The following ALG1 variants were observed in gnomAD, a reference collection of about 807,000 sequenced individuals.
ALG1 encodes the protein ALG1 chitobiosyldiphosphodolichol beta-mannosyltransferase.
A neutral mutation model predicts 55.1 loss-of-function variants in ALG1; 58 were observed. The ratio of observed to expected loss-of-function variants is 1.05; its 90% CI spans 0.85 to 1.31. ALG1 has a LOEUF of 1.31. ALG1 is among the 50% of genes most tolerant of loss of function. The pLI is 0.00. For missense variants in ALG1, 761 were observed against 598.6 expected, an observed-to-expected ratio of 1.27 and a Z score of -2.83; for synonymous variants, 309 against 247.0, an observed-to-expected ratio of 1.25 and a Z score of -2.35.
In ALG1 at chr16:5,072,042, C is replaced by T. The variant is rs574075695; in HGVS notation, c.193C>T (p.Leu65Phe). 3.8e-6 allele frequency: 6 copies of T among 1,586,076 alleles called. No homozygotes were observed. The highest frequency in any genetic ancestry group is 1.7e-4 in the Middle Eastern group (1 of 6,024). The stretch of plus-strand genomic sequence containing the variant: ...GGCCATGCACGGCTTCTCGGTGACC[C>T]TCCTGGGGTTCTGCAGTGAGTGGCC... ...SLAMHGFSVT[L>F]LGFCNSKPHD... Residue 65 changes from leucine (L) to phenylalanine (F), a missense_variant, in exon 1 of 13, where the codon CTC becomes TTC. Leu to Phe is a conservative substitution (Grantham distance 22, BLOSUM62 0). Coordinates refer to ENST00000262374, the MANE Select transcript of ALG1 (RefSeq NM_019109.5).
chr16:5,072,964 T>G lies in ALG1; in HGVS notation c.222T>G (p.His74Gln), dbSNP rs139803689. Residue 74 changes from histidine (H) to glutamine (Q), a missense_variant, in exon 2 of 13, where the codon CAT becomes CAG. Physicochemically the swap from His to Gln is conservative, Grantham distance 24 (BLOSUM62 0). Transcript: ENST00000262374. ...CTCATTTTTCAGACTCCAAACCCCATGATGAGCTCTTGCAGAACAACAGAA... is the reference window on the plus strand; with the variant it reads ...CTCATTTTTCAGACTCCAAACCCCAGGATGAGCTCTTGCAGAACAACAGAA... Reference protein sequence around the residue: ...TLLGFCNSKPHDELLQNNRIQ... With the variant: ...TLLGFCNSKPQDELLQNNRIQ... 1.9e-6 allele frequency: 3 copies of G among 1,614,058 alleles called. No individual in the cohort carries two copies. In the African/African-American group the frequency reaches 4.0e-5, roughly 22 times the overall value.
rs145474820 is a variant in ALG1, at chr16:5,072,040, C to T, written c.191C>T (p.Thr64Ile). 2 of 1,587,768 alleles carry T rather than the reference C, an allele frequency of 1.3e-6. No individual in the cohort carries two copies. Among genetic ancestry groups the T allele is most frequent in the Non-Finnish European group, 8.6e-7 (1 of 1,166,892 alleles). Reference sequence around the variant, plus strand: ...TTGGCCATGCACGGCTTCTCGGTGACCCTCCTGGGGTTCTGCAGTGAGTGG... The same window carrying T: ...TTGGCCATGCACGGCTTCTCGGTGATCCTCCTGGGGTTCTGCAGTGAGTGG... ...LSLAMHGFSVTLLGFCNSKPH... is the reference protein window; with the variant it reads ...LSLAMHGFSVILLGFCNSKPH... Residue 64 changes from threonine (T) to isoleucine (I), a missense_variant, in exon 1 of 13, where the codon ACC (threonine) becomes ATC (isoleucine). Transcript: ENST00000262374.
In ALG1 at chr16:5,075,471, C is replaced by G. The variant is rs1956893746; in HGVS notation, c.474C>G (p.Asn158Lys). ...GCAAGCTCGTCATTGACTGGCACAA[C>G]TATGGCTACTCCATCATGGGTCTGG... ...CGSKLVIDWHNYGYSIMGLVH... is the reference protein window; with the variant it reads ...CGSKLVIDWHKYGYSIMGLVH... Residue 158 changes from asparagine to lysine, a missense_variant, in exon 4 of 13, where the codon AAC becomes AAG. Physicochemically the swap from Asn to Lys is moderately conservative, Grantham distance 94. Transcript: ENST00000262374. 1 of 1,614,226 alleles carries G rather than the reference C, an allele frequency of 6.2e-7. No individual in the cohort carries two copies. The highest frequency in any genetic ancestry group is 8.5e-7 in the Non-Finnish European group (1 of 1,180,050).
At chr16:5,078,681 C>T in intron 6 of ALG1, 76 bp from the exon 7 acceptor site, 2 of 1,611,328 alleles carry the variant, frequency 1.2e-6, no homozygotes, top group Non-Finnish European at 1.7e-6. Flanking sequence ...GCAGGCCTCG[C>T]CACGGCAGGA....
Position 5,072,024 on chromosome 16 carries a change from C to T in ALG1, c.175C>T (p.His59Tyr). 2 of 1,595,806 alleles carry T rather than the reference C, an allele frequency of 1.3e-6. No individual in the cohort carries two copies. The highest frequency in any genetic ancestry group is 1.7e-6 in the Non-Finnish European group (2 of 1,170,828). ...MQYHALSLAM[H>Y]GFSVTLLGFC... ...GTACCACGCGCTGTCGTTGGCCATG[C>T]ACGGCTTCTCGGTGACCCTCCTGGG... Residue 59 changes from histidine to tyrosine, a missense_variant, in exon 1 of 13, where the codon CAC becomes TAC. By Grantham distance (83) the His-to-Tyr change is moderately conservative. Transcript: ENST00000262374.
Position 5,078,997 on chromosome 16 carries a change from G to A in ALG1, c.863-67G>A, listed in dbSNP as rs1956966629. 9 of 1,599,056 alleles carry A rather than the reference G, an allele frequency of 5.6e-6. No homozygotes were observed. In the Admixed American group the frequency reaches 1.2e-4, roughly 21 times the overall value. On this transcript the variant is annotated intron_variant, in intron 7 of 12. Transcript: ENST00000262374. ...CCTGCCACGGTCTCAATGAGAACGG[G>A]AGGGCCTGTGAGCTGGAAGAGGGGT...
intron 6 of ALG1, 164 bp downstream of exon 6, chr16:5,078,181 C>G: frequency 1.2e-6 from 1 of 832,324 alleles, no homozygotes; most frequent in Non-Finnish European, 2.0e-6. Flanking sequence ...ACACAACACA[C>G]TCATTGCCTT....
intron 3 of ALG1, among the ~76,000 whole-genome samples, chr16:5,074,321 AT>A (rs544217267): frequency 1.3e-5 from 2 of 149,640 alleles, no homozygotes; most frequent in East Asian, 2.0e-4. Context: ...AATTTTTGTA[AT>A]TTTTTTTAGT....
intron 4 of ALG1, among the ~76,000 whole-genome samples, chr16:5,076,513 G>A (rs1427261849): frequency 1.3e-5 from 2 of 152,254 alleles, no homozygotes; most frequent in African/African-American, 4.8e-5. Flanking sequence ...AGCTAAGTGT[G>A]AGGACCAAAA....
rs1168786787 is a variant in ALG1 at position 5,081,018 on chromosome 16, C to T, written c.1034C>T (p.Thr345Ile). ...QKHFQHIQVC[T>I]PWLEAEDYPL... is the part of the protein sequence containing the mutation. Reference sequence around the variant, plus strand: ...CACTTCCAGCACATCCAGGTCTGCACCCCCTGGCTGGAGGCCGAGGACTAC... The same window carrying T: ...CACTTCCAGCACATCCAGGTCTGCATCCCCTGGCTGGAGGCCGAGGACTAC... Residue 345 changes from threonine to isoleucine, a missense_variant, in exon 10 of 13, where the codon ACC (threonine) becomes ATC (isoleucine). Physicochemically the swap from Thr to Ile is moderately conservative, Grantham distance 89. Transcript: ENST00000262374. The T allele has an allele frequency of 2.5e-6, 4 of 1,596,260 alleles. No homozygotes were observed. In the African/African-American group the frequency reaches 4.0e-5, roughly 16 times the overall value.
rs7195893 is a variant in ALG1 at position 5,078,000 on chromosome 16, C to T, written c.723C>T (p.His241=). 91,480 of 1,599,904 alleles carry T rather than the reference C, an allele frequency of 0.057. 3,122 individuals are homozygous for T. Among genetic ancestry groups the T allele is most frequent in the Admixed American group, 0.14 (8,492 of 60,010 alleles). ...TCTTCATGAAGCTGGGCAGCATGCACTCTCCGTTCAGGGCCCGGTAGGCCT... is the reference window on the plus strand; with the variant it reads ...TCTTCATGAAGCTGGGCAGCATGCATTCTCCGTTCAGGGCCCGGTAGGCCT... The part of the protein sequence containing the change: ...HRLFMKLGSM[H]SPFRARSEPE... Residue 241 remains histidine, a synonymous_variant, in exon 6 of 13, where the codon CAC becomes CAT. Transcript: ENST00000262374.
In ALG1 at chr16:5,072,071, G is replaced by A. The variant is rs748253937; in HGVS notation, c.208+14G>A. The stretch of plus-strand genomic sequence containing the variant: ...TGGGGTTCTGCAGTGAGTGGCCAAG[G>A]GTCTGGGAGGGACGATGCTCTCTCA... On this transcript the variant is annotated intron_variant, in intron 1 of 12. Coordinates refer to ENST00000262374, the MANE Select transcript of ALG1 (RefSeq NM_019109.5). 126 of 1,557,630 alleles carry A rather than the reference G, an allele frequency of 8.1e-5. 1 individual carries two copies. Among genetic ancestry groups the A allele is most frequent in the Non-Finnish European group, 7.0e-6 (8 of 1,150,622 alleles).
chr16:5,079,441 G>A (rs1212665003), intron 8 of ALG1, among the ~76,000 whole-genome samples: 2 of 152,112 alleles, frequency 1.3e-5, no homozygotes, highest in Admixed American at 6.5e-5. Context: ...TGTAATCCTA[G>A]AACTCTGGGA....
chr16:5,078,010 A>G lies in ALG1; in HGVS notation c.733A>G (p.Arg245Gly), dbSNP rs1359968498. Reference protein sequence around the residue: ...MKLGSMHSPFRARSEPEDPVT... With the variant: ...MKLGSMHSPFGARSEPEDPVT... ...GCTGGGCAGCATGCACTCTCCGTTC[A>G]GGGCCCGGTAGGCCTCCCATCCTCA... The change falls in exon 6 of 13, where the codon AGG becomes GGG. Residue 245 changes from arginine (R) to glycine (G), a missense_variant. Physicochemically the swap from Arg to Gly is moderately radical, Grantham distance 125. Coordinates refer to ENST00000262374, the MANE Select transcript of ALG1 (RefSeq NM_019109.5). The G allele has an allele frequency of 1.3e-6, 2 of 1,598,546 alleles. No homozygotes were observed. The highest frequency in any genetic ancestry group is 8.5e-7 in the Non-Finnish European group (1 of 1,179,784).
At chr16:5,080,137 G>A (rs1390169717) in intron 9 of ALG1, among the ~76,000 whole-genome samples, 1 of 147,072 alleles carries the variant, frequency 6.8e-6, no homozygotes, top group East Asian at 2.0e-4. Flanking sequence ...GTGCGATCTC[G>A]GCTCACTGCA....
rs1260277942 is a variant in ALG1 at position 5,085,906 on chromosome 16, A to T, written c.*1025A>T. 6.6e-6 allele frequency among the ~76,000 whole-genome samples: 1 copy of T among 152,142 alleles called. No homozygotes were observed. Among genetic ancestry groups the T allele is most frequent in the Non-Finnish European group, 1.5e-5 (1 of 68,018 alleles). Reference sequence around the variant, plus strand: ...GCCTAGAATTGGCCTCCAGGATGGGACCAGAAAGCTGGTTTTGCATAGAAA... The same window carrying T: ...GCCTAGAATTGGCCTCCAGGATGGGTCCAGAAAGCTGGTTTTGCATAGAAA... On this transcript the variant is annotated 3_prime_UTR_variant, in exon 13 of 13. Coordinates refer to ENST00000262374, the MANE Select transcript of ALG1 (RefSeq NM_019109.5).
Position 5,077,425 on chromosome 16 carries a change from C to G in ALG1, c.540-20C>G. The stretch of plus-strand genomic sequence containing the variant: ...GGAGGCCTGTCTAGGGCTCTGCTGA[C>G]TGCTGATCTCTCTTTTCAGGTACGA... On this transcript the variant is annotated intron_variant, in intron 4 of 12. Coordinates refer to ENST00000262374, the MANE Select transcript of ALG1 (RefSeq NM_019109.5). 2 of 1,609,420 alleles carry G rather than the reference C, an allele frequency of 1.2e-6. No individual in the cohort carries two copies. Among genetic ancestry groups the G allele is most frequent in the South Asian group, 1.1e-5 (1 of 90,994 alleles).
At chr16:5,081,684 G>A (rs1406580035) in intron 10 of ALG1, among the ~76,000 whole-genome samples, 3 of 152,044 alleles carry the variant, frequency 2.0e-5, no homozygotes, top group African/African-American at 4.8e-5. Context: ...TCAGCCTCCC[G>A]AGTAGATTAC....
intron 4 of ALG1, 30 bp from the exon 5 acceptor site, chr16:5,077,415 G>T: frequency 1.3e-6 from 2 of 1,591,560 alleles, no homozygotes; most frequent in Non-Finnish European, 1.7e-6. Context: ...CCTGTCTAGG[G>T]CTCTGCTGAC....
Sources: allele counts gnomAD v4.1 joint callset (sites outside exome capture counted in the v4.1 genomes callset), GRCh38; gene constraint gnomAD v4.1.1; transcripts MANE v1.5; gene names NCBI Gene and HGNC (gene_info 2026-07-23, HGNC 2026-07-21).